Variants in APBA2 observed in about 807,000 individuals in gnomAD.
APBA2 encodes amyloid beta precursor protein binding family A member 2, also known as amyloid-beta A4 precursor protein-binding family A member 2.
A neutral mutation model predicts 75.0 loss-of-function variants in APBA2; 30 were observed. That is an observed-to-expected ratio of 0.40 (90% confidence interval 0.30 to 0.54). The LOEUF (loss-of-function observed/expected upper bound fraction) is 0.54. Ranked by LOEUF, APBA2 falls within the 20% of genes least tolerant of loss-of-function variation. The pLI is 0.49. For missense variants in APBA2, 801 were observed against 1,016.1 expected (o/e 0.79, Z 2.88); for synonymous variants, 444 against 409.6 (o/e 1.08, Z -1.01).
intron 4 of APBA2, among the ~76,000 whole-genome samples, chr15:29,064,705 TG>T (rs2042300034): frequency 6.6e-6 from 1 of 151,544 alleles, no homozygotes; most frequent in Non-Finnish European, 1.5e-5. Context: ...GGACATGGGT[TG>T]GGGGATGGTG....
intron 3 of APBA2, among the ~76,000 whole-genome samples, chr15:29,027,986 T>A (rs1221155669): frequency 1.3e-5 from 2 of 148,618 alleles, no homozygotes; most frequent in Non-Finnish European, 3.0e-5. Context: ...CTCTTTTCGT[T>A]TTTTTTTTTA....
At chr15:29,111,730 G>C (rs2044742648) in intron 13 of APBA2, among the ~76,000 whole-genome samples, 1 of 152,134 alleles carries the variant, frequency 6.6e-6, no homozygotes, top group South Asian at 2.1e-4. Context: ...CACAGAGGCT[G>C]TCACAGTGGC....
At chr15:29,096,402 C>T (rs1313611801) in intron 8 of APBA2, among the ~76,000 whole-genome samples, 1 of 152,230 alleles carries the variant, frequency 6.6e-6, no homozygotes, top group African/African-American at 2.4e-5. Flanking sequence ...ACAATTGTCA[C>T]TAATGCCAAG....
rs555839340 is a variant in APBA2, at chr15:28,953,034, C to T, written c.-95+31285C>T. Among the ~76,000 whole-genome samples, 10 of 152,264 alleles carry T rather than the reference C, an allele frequency of 6.6e-5. No homozygotes were observed. The East Asian group carries it at 7.7e-4, about 12-fold the overall frequency. ...GGGTCTTGTTGGTTACTCTGTGACC[C>T]TGTTGCTTCCCTGGGACCTGGAAGT... On this transcript the variant is annotated intron_variant, in intron 2 of 14. Coordinates refer to ENST00000683413, the MANE Select transcript of APBA2 (RefSeq NM_001353788.2).
chr15:28,957,032 A>G (rs2036204613), intron 2 of APBA2, among the ~76,000 whole-genome samples: 1 of 152,014 alleles, frequency 6.6e-6, no homozygotes, highest in South Asian at 2.1e-4. Context: ...TGCTGTGAAC[A>G]TGGGGGTACA....
At chr15:29,039,096 A>AGGGTGT (rs1377087602) in intron 3 of APBA2, among the ~76,000 whole-genome samples, 1 of 84,776 alleles carries the variant, frequency 1.2e-5, no homozygotes, top group Non-Finnish European at 2.7e-5. Flanking sequence ...GCTGTATGTC[A>AGGGTGT]GGGTGTGTGT....
chr15:28,914,782 T>C (rs2033588376), intron 1 of APBA2, among the ~76,000 whole-genome samples: 1 of 152,014 alleles, frequency 6.6e-6, no homozygotes, highest in African/African-American at 2.4e-5. Context: ...TCCTGGACTC[T>C]TCGTGCATTC....
chr15:28,932,644 G>C (rs2034624480), intron 2 of APBA2, among the ~76,000 whole-genome samples: 1 of 152,214 alleles, frequency 6.6e-6, no homozygotes, highest in Non-Finnish European at 1.5e-5. Context: ...GAAGTGACCT[G>C]TGTGGCCTTA....
intron 2 of APBA2, chr15:28,977,234 T>C (rs12439432): frequency 0.34 from 51,633 of 152,052 alleles, 15,483 homozygotes; most frequent in African/African-American, 0.79. Context: ...TGCAGATGGC[T>C]GCCTTCTTCC....
intron 6 of APBA2, among the ~76,000 whole-genome samples, chr15:29,088,722 G>A (rs1406719406): frequency 2.0e-5 from 3 of 152,124 alleles, no homozygotes; most frequent in Admixed American, 6.5e-5. Flanking sequence ...TGAAGGAGTG[G>A]TTGGGCCACT....
intron 13 of APBA2, among the ~76,000 whole-genome samples, chr15:29,111,009 G>C (rs936639033): frequency 2.0e-5 from 3 of 152,136 alleles, no homozygotes; most frequent in Admixed American, 6.5e-5. Flanking sequence ...GTGGTGGTGC[G>C]GAAGGGGGTT....
At chr15:29,003,195 T>TG (rs1279866055) in intron 3 of APBA2, among the ~76,000 whole-genome samples, 1 of 152,000 alleles carries the variant, frequency 6.6e-6, no homozygotes, top group East Asian at 1.9e-4. Flanking sequence ...GGGTGCGGCA[T>TG]GGGGTGGAGG....
At chr15:29,010,469 A>G (rs1012336889) in intron 3 of APBA2, among the ~76,000 whole-genome samples, 6 of 152,120 alleles carry the variant, frequency 3.9e-5, no homozygotes, top group African/African-American at 1.4e-4. Context: ...CGTGTTAGCC[A>G]GGATAGTCTC....
intron 7 of APBA2, 89 bp from the exon 8 acceptor site, chr15:29,094,188 TG>T (rs2043728191): frequency 1.4e-6 from 2 of 1,403,078 alleles, no homozygotes; most frequent in Non-Finnish European, 1.0e-6. Flanking sequence ...GACCTGAGAG[TG>T]GGGGCATCAA....
intron 2 of APBA2, among the ~76,000 whole-genome samples, chr15:28,944,321 T>C (rs902271): frequency 0.17 from 25,958 of 152,100 alleles, 3,103 homozygotes; most frequent in African/African-American, 0.34. Flanking sequence ...CTCTATTTTG[T>C]ACGCTCAGTC....
intron 3 of APBA2, among the ~76,000 whole-genome samples, chr15:29,018,106 GA>G (rs2039768996): frequency 3.9e-5 from 6 of 152,182 alleles, no homozygotes; most frequent in Admixed American, 3.9e-4. Flanking sequence ...TCTCCCGGGG[GA>G]CAGTCTCAGG....
intron 3 of APBA2, among the ~76,000 whole-genome samples, chr15:29,036,161 G>A (rs538974659): frequency 1.9e-4 from 29 of 152,142 alleles, no homozygotes; most frequent in East Asian, 1.2e-3. Context: ...ATGCTTTCCC[G>A]CCACCCACCA....
chr15:29,090,606 A>G (rs1306218966), intron 6 of APBA2, among the ~76,000 whole-genome samples: 2 of 152,110 alleles, frequency 1.3e-5, no homozygotes, highest in African/African-American at 2.4e-5. Context: ...GGACATAAGG[A>G]CACTCGCCCA....
At chr15:28,945,521 A>ATTT (rs79363150) in intron 2 of APBA2, among the ~76,000 whole-genome samples, 1 of 140,256 alleles carries the variant, frequency 7.1e-6, no homozygotes, top group Non-Finnish European at 1.6e-5. Context: ...CCGCTCATTG[A>ATTT]TTTTTTTTTT....
Sources: allele counts gnomAD v4.1 joint callset (sites outside exome capture counted in the v4.1 genomes callset), GRCh38; gene constraint gnomAD v4.1.1; transcripts MANE v1.5; gene names NCBI Gene and HGNC (gene_info 2026-07-23, HGNC 2026-07-21).